Variants in AAGAB observed in about 807,000 individuals in gnomAD.
AAGAB encodes the protein alpha- and gamma-adaptin-binding protein p34.
Under a neutral mutation model 44.1 loss-of-function variants are expected in AAGAB, and 38 were observed. The ratio of observed to expected loss-of-function variants is 0.86; its 90% confidence interval spans 0.67 to 1.13. AAGAB has a LOEUF of 1.13. AAGAB is among the 50% of genes most tolerant of loss of function. AAGAB has a pLI of 0.00. For missense variants in AAGAB, 450 were observed against 373.8 expected (o/e 1.20, Z -1.68); for synonymous variants, 131 against 131.8 (o/e 0.99, Z 0.04).
chr15:67,253,656 A>G (rs1337573467), intron 1 of AAGAB, among the ~76,000 whole-genome samples: 2 of 151,876 alleles, frequency 1.3e-5, no homozygotes, highest in African/African-American at 2.4e-5. Flanking sequence ...CGGGAGACTG[A>G]GGCAGGAGGA....
rs1963629409 is a variant in AAGAB at position 67,204,060 on chromosome 15, C to G, written c.804G>C (p.Lys268Asn). 1 of 1,603,536 alleles carries G rather than the reference C, an allele frequency of 6.2e-7. No homozygotes were observed. Reference sequence around the variant, plus strand: ...TCTGATTACCTTTCATTTCCTTTAACTTTGAAAAGAGTCTTTCAAAATTCT... The same window carrying G: ...TCTGATTACCTTTCATTTCCTTTAAGTTTGAAAAGAGTCTTTCAAAATTCT... ...DVENFERLFSKLKEMKDKAAT... is the reference protein window; with the variant it reads ...DVENFERLFSNLKEMKDKAAT... The change falls in exon 8 of 10, where the codon AAG becomes AAC. Residue 268 changes from lysine (K) to asparagine (N), a missense_variant. Transcript: ENST00000261880.
chr15:67,209,323 G>A, intron 6 of AAGAB, 139 bp downstream of exon 6: 1 of 791,792 alleles, frequency 1.3e-6, no homozygotes, highest in Non-Finnish European at 2.1e-6. Flanking sequence ...GGCTGTTTTA[G>A]ACCTTCCTTT....
At chr15:67,227,538 GAA>G (rs914425322) in intron 5 of AAGAB, among the ~76,000 whole-genome samples, 1 of 152,006 alleles carries the variant, frequency 6.6e-6, no homozygotes, top group Non-Finnish European at 1.5e-5. Context: ...AAATAAAAAA[GAA>G]AAAAGAGTAG....
chr15:67,225,660 C>T (rs969021068), intron 5 of AAGAB, among the ~76,000 whole-genome samples: 4 of 152,170 alleles, frequency 2.6e-5, no homozygotes, highest in African/African-American at 9.7e-5. Context: ...TGTAGCCTCT[C>T]GTGTCGGGCT....
chr15:67,234,793 G>A (rs972134296), intron 4 of AAGAB, among the ~76,000 whole-genome samples: 9 of 152,054 alleles, frequency 5.9e-5, no homozygotes, highest in African/African-American at 2.2e-4. Context: ...ACAAAACAGG[G>A]CACAAGTTTC....
chr15:67,247,568 T>C (rs927469278), intron 1 of AAGAB, among the ~76,000 whole-genome samples: 13 of 152,230 alleles, frequency 8.5e-5, no homozygotes, highest in Non-Finnish European at 1.8e-4. Context: ...TATGGGCTGA[T>C]GTGTAATACT....
At chr15:67,230,903 C>T (rs1282792679) in intron 5 of AAGAB, among the ~76,000 whole-genome samples, 1 of 152,172 alleles carries the variant, frequency 6.6e-6, no homozygotes, top group Non-Finnish European at 1.5e-5. Flanking sequence ...ACCTTCTTTG[C>T]ATCAACCCCT....
intron 1 of AAGAB, among the ~76,000 whole-genome samples, chr15:67,239,092 G>A (rs867935486): frequency 1.4e-4 from 22 of 152,122 alleles, no homozygotes; most frequent in Non-Finnish European, 2.1e-4. Flanking sequence ...GTTGCTAAGG[G>A]GCAAAGTACA....
chr15:67,207,217 A>C (rs1963705676), intron 7 of AAGAB, among the ~76,000 whole-genome samples: 1 of 151,982 alleles, frequency 6.6e-6, no homozygotes, highest in Non-Finnish European at 1.5e-5. Context: ...AAAACACAAC[A>C]ACACACACAC....
intron 5 of AAGAB, chr15:67,220,535 C>T (rs1391032112): frequency 4.6e-5 from 7 of 152,182 alleles, no homozygotes; most frequent in Non-Finnish European, 8.8e-5. Flanking sequence ...TCCTGTTTTT[C>T]CCCACCTGTA....
At chr15:67,223,240 C>A (rs1964123367) in intron 5 of AAGAB, among the ~76,000 whole-genome samples, 1 of 152,158 alleles carries the variant, frequency 6.6e-6, no homozygotes, top group Non-Finnish European at 1.5e-5. Flanking sequence ...TGCCTTTCTC[C>A]CCAAACTCCA....
intron 1 of AAGAB, among the ~76,000 whole-genome samples, chr15:67,238,883 G>A (rs1437631502): frequency 6.6e-6 from 1 of 152,114 alleles, no homozygotes; most frequent in Non-Finnish European, 1.5e-5. Context: ...TTTTAGTACA[G>A]ACAGGGTTTC....
rs957460050 is a variant in AAGAB at position 67,202,387 on chromosome 15, C to T, written c.*434G>A. On this transcript the variant is annotated 3_prime_UTR_variant, in exon 10 of 10. Coordinates refer to ENST00000261880, the MANE Select transcript of AAGAB (RefSeq NM_024666.5). ...ATAAAAGCATCATAGCTCAGAGCTA[C>T]AAGCTCCTTGAATGGAGAAAACCCA... 10 of 162,596 alleles carry T rather than the reference C, an allele frequency of 6.2e-5. No homozygotes were observed. The highest frequency in any genetic ancestry group is 2.2e-4 in the African/African-American group (9 of 41,620). The allele number at this position is 162,596 out of a possible 1,614,324, so 10.1% of individuals were successfully genotyped here. A position where few individuals can be genotyped will look rare whatever the true frequency, so the allele number is the denominator to read the frequency against.
At chr15:67,235,875 T>C in intron 4 of AAGAB, 104 bp downstream of exon 4, 1 of 860,976 alleles carries the variant, frequency 1.2e-6, no homozygotes, top group Non-Finnish European at 1.8e-6. Context: ...TTGAAACAGC[T>C]GGGGAAAAAA....
upstream of AAGAB, chr15:67,255,099 A>G (rs1567039418): frequency 2.8e-6 from 2 of 719,820 alleles, no homozygotes; most frequent in Admixed American, 2.1e-5. Context: ...GCCCACCCAG[A>G]CCTTCCCCCA....
intron 4 of AAGAB, 78 bp from the exon 5 acceptor site, chr15:67,231,975 C>A: frequency 7.9e-7 from 1 of 1,260,026 alleles, no homozygotes; most frequent in Admixed American, 1.7e-5. Context: ...AAAATGTGGC[C>A]AGGCACGGTG....
chr15:67,230,441 G>T (rs944683653), intron 5 of AAGAB, among the ~76,000 whole-genome samples: 1 of 152,102 alleles, frequency 6.6e-6, no homozygotes, highest in Non-Finnish European at 1.5e-5. Context: ...TATAAAAAGG[G>T]GAAAATGTGG....
chr15:67,249,623 G>C (rs1028485223), intron 1 of AAGAB, among the ~76,000 whole-genome samples: 1 of 151,972 alleles, frequency 6.6e-6, no homozygotes, highest in Admixed American at 6.5e-5. Flanking sequence ...TTAATCATCC[G>C]AAGTGGCAAT....
chr15:67,213,153 G>C (rs559301526), intron 5 of AAGAB, among the ~76,000 whole-genome samples: 1 of 152,132 alleles, frequency 6.6e-6, no homozygotes, highest in Non-Finnish European at 1.5e-5. Flanking sequence ...GTTAAACTGT[G>C]GTCCTAAAAA....
Sources: gnomAD v4.1 joint callset for allele counts (sites outside exome capture counted in the v4.1 genomes callset) on GRCh38, gnomAD v4.1.1 for gene constraint, MANE v1.5 for transcripts, NCBI Gene and HGNC (gene_info 2026-07-23, HGNC 2026-07-21) for gene names.